The following TMEM116 variants were observed in gnomAD, a reference collection of about 807,000 sequenced individuals.
TMEM116 encodes the protein transmembrane protein 116.
Under a neutral mutation model 44.3 loss-of-function variants are expected in TMEM116, and 38 were observed. The observed-to-expected ratio is 0.86, with a 90% CI of 0.66 to 1.12. TMEM116 has a LOEUF of 1.12. Ranked by LOEUF, TMEM116 falls within the 50% of genes most tolerant of loss-of-function variation. TMEM116 has a pLI of 0.00. For missense variants in TMEM116, 354 were observed against 401.7 expected (o/e 0.88, Z 1.01); for synonymous variants, 132 against 144.8 (o/e 0.91, Z 0.64).
intron 5 of TMEM116, among the ~76,000 whole-genome samples, chr12:111,939,390 T>C (rs2072466418): frequency 1.4e-5 from 2 of 147,412 alleles, no homozygotes; most frequent in African/African-American, 5.1e-5. Context: ...GAGGTGGAGG[T>C]TGCAGTGACC....
At chr12:111,973,373 G>A (rs1424245123) in intron 4 of TMEM116, among the ~76,000 whole-genome samples, 2 of 152,082 alleles carry the variant, frequency 1.3e-5, no homozygotes, top group Admixed American at 1.3e-4. Context: ...TAGAATTTAC[G>A]GGATATACCA....
intron 4 of TMEM116, among the ~76,000 whole-genome samples, chr12:111,987,883 T>C (rs1179629118): frequency 6.6e-6 from 1 of 152,168 alleles, no homozygotes; most frequent in African/African-American, 2.4e-5. Flanking sequence ...ATGTTAATAG[T>C]AGCGTTATTC....
intron 4 of TMEM116, among the ~76,000 whole-genome samples, chr12:111,983,803 A>G (rs2076078598): frequency 6.6e-6 from 1 of 152,168 alleles, no homozygotes; most frequent in Non-Finnish European, 1.5e-5. Flanking sequence ...GTCGAATAGG[A>G]TGCAATGCTT....
chr12:111,963,095 T>A (rs2074715574), intron 4 of TMEM116, among the ~76,000 whole-genome samples: 1 of 151,886 alleles, frequency 6.6e-6, no homozygotes, highest in South Asian at 2.1e-4. Context: ...GAAATGCAAA[T>A]CAAAACCACA....
chr12:111,947,133 A>T (rs1184484721), intron 4 of TMEM116, among the ~76,000 whole-genome samples: 2 of 150,798 alleles, frequency 1.3e-5, no homozygotes, highest in African/African-American at 4.9e-5. Context: ...GTGTTAAAAA[A>T]TTTATATCCA....
Position 112,003,904 on chromosome 12 carries a change from A to G in TMEM116, c.15-41T>C. 2.1e-6 allele frequency: 3 copies of G among 1,443,266 alleles called. No homozygotes were observed. The South Asian group carries it at 4.3e-5, about 21-fold the overall frequency. The allele number at this position is 1,443,266 out of a possible 1,614,324, so 89.4% of individuals were successfully genotyped here. A position where few individuals can be genotyped will look rare whatever the true frequency, so the allele number is the denominator to read the frequency against. ...GATGATTGATCATTAAAGCAGGACA[A>G]TGGAGTGCCATCGTTTTTGTTATTA... On this transcript the variant is annotated intron_variant, in intron 2 of 10. Coordinates refer to ENST00000552374, the MANE Select transcript of TMEM116 (RefSeq NM_001193531.2).
intron 6 of TMEM116, 102 bp from the exon 7 acceptor site, chr12:111,937,345 C>A (rs2072248367): frequency 1.2e-6 from 1 of 835,940 alleles, no homozygotes; most frequent in Non-Finnish European, 2.0e-6. Context: ...ATCATCCCAC[C>A]AATCTCCACA....
chr12:111,988,413 G>A (rs1197330505), intron 4 of TMEM116, among the ~76,000 whole-genome samples: 1 of 152,110 alleles, frequency 6.6e-6, no homozygotes, highest in African/African-American at 2.4e-5. Flanking sequence ...AACAAACAAG[G>A]CCGGGCACGG....
At chr12:111,959,983 C>G (rs1249421093) in intron 4 of TMEM116, among the ~76,000 whole-genome samples, 8 of 152,178 alleles carry the variant, frequency 5.3e-5, no homozygotes, top group African/African-American at 1.7e-4. Context: ...TTGAACTCAG[C>G]TCTAGACCAA....
At chr12:112,005,218 C>A (rs1303994183) in intron 2 of TMEM116, 39 bp downstream of exon 2, 8 of 1,347,700 alleles carry the variant, frequency 5.9e-6, no homozygotes, top group Non-Finnish European at 6.7e-6. Context: ...ACGAACTTTG[C>A]TTATACTAGT....
intron 3 of TMEM116, among the ~76,000 whole-genome samples, chr12:112,003,296 C>G (rs886791558): frequency 6.6e-6 from 1 of 152,106 alleles, no homozygotes; most frequent in Non-Finnish European, 1.5e-5. Flanking sequence ...GGGCTGGGCG[C>G]GGTGGCTCAC....
chr12:111,965,516 A>G (rs529083713), intron 4 of TMEM116: 3 of 164,034 alleles, frequency 1.8e-5, no homozygotes, highest in Non-Finnish European at 4.0e-5. Context: ...TCATTGGAAT[A>G]ACAAAATAAG....
At chr12:111,956,663 G>A (rs534635486) in intron 4 of TMEM116, among the ~76,000 whole-genome samples, 5 of 152,300 alleles carry the variant, frequency 3.3e-5, no homozygotes, top group Admixed American at 6.5e-5. Context: ...GCAGGTGCGC[G>A]CCGCCACACC....
intron 5 of TMEM116, among the ~76,000 whole-genome samples, chr12:111,942,706 G>T (rs1435492160): frequency 1.3e-5 from 2 of 152,130 alleles, no homozygotes; most frequent in African/African-American, 4.8e-5. Flanking sequence ...CCCTTGCTGA[G>T]TCAAACCAGG....
chr12:111,997,262 T>G (rs1270249582), intron 3 of TMEM116, among the ~76,000 whole-genome samples: 1 of 152,198 alleles, frequency 6.6e-6, no homozygotes, highest in African/African-American at 2.4e-5. Flanking sequence ...TTTACAAATT[T>G]TAAAGTCCTG....
chr12:111,954,723 A>G (rs73205697), intron 4 of TMEM116, among the ~76,000 whole-genome samples: 7,859 of 152,310 alleles, frequency 0.052, 270 homozygotes, highest in South Asian at 0.096. Context: ...TGTCTCTAAC[A>G]TATCTGACTA....
chr12:111,995,720 AGAGT>A (rs2076893830), intron 3 of TMEM116, among the ~76,000 whole-genome samples: 1 of 152,138 alleles, frequency 6.6e-6, no homozygotes, highest in African/African-American at 2.4e-5. Context: ...CCTGAGCGAC[AGAGT>A]GAGACTCCAT....
chr12:112,005,063 C>T (rs1248004179), intron 2 of TMEM116, among the ~76,000 whole-genome samples, 194 bp downstream of exon 2: 1 of 152,142 alleles, frequency 6.6e-6, no homozygotes, highest in African/African-American at 2.4e-5. Context: ...AGATGTTATC[C>T]TTTAATCAAT....
rs2072239670 is a variant in TMEM116 at position 111,937,247 on chromosome 12, G to A, written c.366-4C>T. ...CATCAATAGCAGAGGTATCAGGCTG[G>A]GAGGGAAAAAAAGTATCACCCTAAT... On this transcript the variant is annotated splice_region_variant and splice_polypyrimidine_tract_variant and intron_variant, in intron 6 of 10. Coordinates refer to ENST00000552374, the MANE Select transcript of TMEM116 (RefSeq NM_001193531.2). The A allele has an allele frequency of 1.9e-6, 3 of 1,612,622 alleles. No individual in the cohort carries two copies.
Sources: gnomAD v4.1 joint callset for allele counts (sites outside exome capture counted in the v4.1 genomes callset) on GRCh38, gnomAD v4.1.1 for gene constraint, MANE v1.5 for transcripts, NCBI Gene and HGNC (gene_info 2026-07-23, HGNC 2026-07-21) for gene names.